RNF38: variants seen among roughly 807,000 people sequenced by gnomAD.
The protein encoded by RNF38 is E3 ubiquitin-protein ligase RNF38.
In RNF38, 15 loss-of-function variants were observed where a neutral mutation model predicts 67.2. The observed-to-expected ratio is 0.22, with a 90% CI of 0.15 to 0.34. The LOEUF (loss-of-function observed/expected upper bound fraction) is 0.34. RNF38 is among the 10% of genes least tolerant of loss of function. The pLI, the probability that RNF38 is intolerant of heterozygous loss-of-function variation, is 1.00. For synonymous variants in RNF38, 220 were observed against 218.8 expected (o/e 1.01, Z -0.05); for missense variants, 524 against 639.9 (o/e 0.82, Z 1.95).
chr9:36,423,034 C>G (rs577484270), intron 2 of RNF38, among the ~76,000 whole-genome samples: 1 of 152,248 alleles, frequency 6.6e-6, no homozygotes, highest in East Asian at 1.9e-4. Flanking sequence ...CCAAAAGCAC[C>G]TTCATAATTA....
intron 4 of RNF38, among the ~76,000 whole-genome samples, chr9:36,360,008 G>A (rs1205751468): frequency 6.6e-6 from 1 of 151,918 alleles, no homozygotes; most frequent in Non-Finnish European, 1.5e-5. Flanking sequence ...GCCTCCCAAA[G>A]TGTTAGGATT....
At chr9:36,420,649 C>T (rs1309047500) in intron 2 of RNF38, among the ~76,000 whole-genome samples, 1 of 151,994 alleles carries the variant, frequency 6.6e-6, no homozygotes, top group African/African-American at 2.4e-5. Context: ...CTTGCCTTTC[C>T]CCACTCACAG....
intron 1 of RNF38, among the ~76,000 whole-genome samples, chr9:36,394,686 T>C (rs994705525): frequency 2.6e-5 from 4 of 152,172 alleles, no homozygotes; most frequent in African/African-American, 9.7e-5. Context: ...CTCAGAAATA[T>C]CAAAACCATA....
At chr9:36,369,595 A>G in intron 4 of RNF38, 124 bp downstream of exon 4, 2 of 702,022 alleles carry the variant, frequency 2.8e-6, no homozygotes, top group Non-Finnish European at 4.7e-6. Context: ...AGGAATGAGG[A>G]ACTTAAATAA....
chr9:36,456,092 C>CAA (rs909092534), intron 1 of RNF38, among the ~76,000 whole-genome samples: 1 of 151,860 alleles, frequency 6.6e-6, no homozygotes, highest in Non-Finnish European at 1.5e-5. Flanking sequence ...TTTTTTGAGA[C>CAA]AGAGTCTCGT....
intron 1 of RNF38, among the ~76,000 whole-genome samples, chr9:36,431,755 C>CTT (rs1838939418): frequency 6.6e-6 from 1 of 152,164 alleles, no homozygotes; most frequent in African/African-American, 2.4e-5. Context: ...GGTAACTGAA[C>CTT]TCAATCTTCA....
intron 1 of RNF38, among the ~76,000 whole-genome samples, chr9:36,393,506 TGTGTGTGTGTGTGTGTGG>T (rs1214050097): frequency 8.0e-4 from 119 of 149,150 alleles, no homozygotes; most frequent in Middle Eastern, 6.8e-3. Flanking sequence ...TGTGTGTGTG[TGTGTGTGTGTGTGTGTGG>T]GGCAGGCAGT....
At chr9:36,450,869 G>A (rs539901772) in intron 1 of RNF38, among the ~76,000 whole-genome samples, 1 of 152,134 alleles carries the variant, frequency 6.6e-6, no homozygotes, top group Admixed American at 6.5e-5. Flanking sequence ...AGCCGAGATC[G>A]TGCCATTGCA....
rs556371185 is a variant in RNF38, at chr9:36,357,910, T to C, written c.603A>G (p.Thr201=). 711 of 1,613,994 alleles carry C rather than the reference T, an allele frequency of 4.4e-4. 8 individuals carry two copies. In the South Asian group the frequency reaches 7.4e-3, roughly 17 times the overall value. ...TCCCATGTGGTGCCACTGTTGTTAC[T>C]GTGTAAGAAACAGGGACTGTTCCTT... is the stretch of plus-strand genomic sequence containing the variant. ...LHQGTVPVSY[T]VTTVAPHGIP... is the part of the protein sequence containing the mutation. Residue 201 remains threonine, a synonymous_variant, in exon 5 of 12, where the codon ACA becomes ACG. Coordinates refer to ENST00000259605, the MANE Select transcript of RNF38 (RefSeq NM_022781.5).
chr9:36,423,806 G>C (rs1373550113), intron 2 of RNF38, among the ~76,000 whole-genome samples: 2 of 89,362 alleles, frequency 2.2e-5, no homozygotes, highest in Non-Finnish European at 2.7e-5. Flanking sequence ...AAAATTAGCC[G>C]GGCGTGGTGG....
Position 36,428,514 on chromosome 9 carries a change from CAT to C in RNF38, n.242-3833_242-3832del, listed in dbSNP as rs779618190. 1.1e-3 allele frequency among the ~76,000 whole-genome samples: 171 copies of C among 151,724 alleles called. 5 individuals carry two copies. Among genetic ancestry groups the C allele is most frequent in the Admixed American group, 0.011 (171 of 15,212 alleles). ...AATTTCCCCTGCTGGACCACGACCA[CAT>C]GTTTTTAGAGTCAGAGACTGAGCCT... On this transcript the variant is annotated intron_variant and non_coding_transcript_variant, in intron 1 of 3. Transcript: ENST00000488058.
At chr9:36,390,895 G>A (rs567946503) in intron 1 of RNF38, among the ~76,000 whole-genome samples, 1 of 152,282 alleles carries the variant, frequency 6.6e-6, no homozygotes, top group African/African-American at 2.4e-5. Context: ...AACTTTTTCT[G>A]CTGGTGTTAA....
rs1832498730 is a variant in RNF38, at chr9:36,337,087, G to T, written c.*2665C>A. On this transcript the variant is annotated 3_prime_UTR_variant, in exon 12 of 12. Transcript: ENST00000259605. ...TGGTAAAGCCAATATTATTTTAGGA[G>T]GAAAGAGGACGAAGGCCAATGAACC... 2 of 152,152 alleles carry T rather than the reference G, an allele frequency of 1.3e-5. No homozygotes were observed. The highest frequency in any genetic ancestry group is 6.6e-5 in the Admixed American group (1 of 15,258). The allele number at this position is 152,152 out of a possible 1,614,324, so 9.4% of individuals were successfully genotyped here.
At chr9:36,399,872 AATAC>A (rs1837863508) in intron 1 of RNF38, among the ~76,000 whole-genome samples, 2 of 152,156 alleles carry the variant, frequency 1.3e-5, no homozygotes, top group South Asian at 4.1e-4. Context: ...GGCCAAACAG[AATAC>A]AGCAGACTTG....
intron 9 of RNF38, among the ~76,000 whole-genome samples, chr9:36,346,815 G>A (rs918667948): frequency 6.6e-6 from 1 of 152,046 alleles, no homozygotes; most frequent in Non-Finnish European, 1.5e-5. Context: ...TCTAAATGCT[G>A]GAATAGAAAG....
rs1247334295 is a variant in RNF38 at position 36,363,606 on chromosome 9, A to C, written c.571-5664T>G. Among the ~76,000 whole-genome samples, 11 of 100,468 alleles carry C rather than the reference A, an allele frequency of 1.1e-4. 2 individuals are homozygous for C. The highest frequency in any genetic ancestry group is 3.3e-4 in the African/African-American group (11 of 33,500). The allele number at this position is 100,468 out of a possible 152,430, so 65.9% of individuals were successfully genotyped here. A position where few individuals can be genotyped will look rare whatever the true frequency, so the allele number is the denominator to read the frequency against. ...ATGTATATATACTCATGCGTGGCTT[A>C]ACGATGGAGATACATTCTGAGAAAT... On this transcript the variant is annotated intron_variant, in intron 4 of 11. Transcript: ENST00000259605.
At chr9:36,392,000 C>G (rs148382135) in intron 1 of RNF38, among the ~76,000 whole-genome samples, 1 of 152,136 alleles carries the variant, frequency 6.6e-6, no homozygotes, top group Non-Finnish European at 1.5e-5. Context: ...ACGCTAGGCA[C>G]TAGGTGCTAT....
intron 4 of RNF38, among the ~76,000 whole-genome samples, chr9:36,365,832 A>T (rs149188869): frequency 6.6e-6 from 1 of 151,418 alleles, no homozygotes; most frequent in Non-Finnish European, 1.5e-5. Flanking sequence ...TGCCCAGCTA[A>T]TTTTTGTATT....
At chr9:36,454,605 C>T (rs1324177395) in intron 1 of RNF38, among the ~76,000 whole-genome samples, 3 of 101,968 alleles carry the variant, frequency 2.9e-5, no homozygotes, top group East Asian at 3.0e-4. Context: ...TTTTTTGAGA[C>T]GGAGTCTTAC....
Sources: gnomAD v4.1 joint callset for allele counts (sites outside exome capture counted in the v4.1 genomes callset) on GRCh38, gnomAD v4.1.1 for gene constraint, MANE v1.5 for transcripts, NCBI Gene and HGNC (gene_info 2026-07-23, HGNC 2026-07-21) for gene names.